The following TYK2 variants were observed in gnomAD, a reference collection of about 807,000 sequenced individuals.
The protein encoded by TYK2 is tyrosine kinase 2.
A neutral mutation model predicts 130.9 loss-of-function variants in TYK2; 65 were observed. That is an observed-to-expected ratio of 0.50 (90% CI 0.41 to 0.61). TYK2 has a LOEUF of 0.61. TYK2 is among the 20% of genes least tolerant of loss of function. The pLI is 0.00. For missense variants in TYK2, 1,378 were observed against 1,610.7 expected (o/e 0.86, Z 2.47); for synonymous variants, 647 against 658.9 (o/e 0.98, Z 0.28).
intron 10 of TYK2, 39 bp from the exon 11 acceptor site, chr19:10,362,495 G>T (rs1486354487): frequency 5.1e-6 from 8 of 1,566,716 alleles, no homozygotes; most frequent in South Asian, 1.2e-5. Context: ...GTAAGCAGGG[G>T]ACCAGGCAGG....
intron 18 of TYK2, 46 bp from the exon 19 acceptor site, chr19:10,354,655 C>T: frequency 6.6e-7 from 1 of 1,512,640 alleles, no homozygotes; most frequent in African/African-American, 1.4e-5. Context: ...ATCCTTTCCC[C>T]AGCAGGCCCA....
intron 3 of TYK2, among the ~76,000 whole-genome samples, chr19:10,376,349 C>T (rs1306567773): frequency 8.2e-6 from 1 of 122,194 alleles, no homozygotes; most frequent in Non-Finnish European, 1.6e-5. Flanking sequence ...GCTCTGTCAC[C>T]CAGCCTGGAG....
intron 5 of TYK2, among the ~76,000 whole-genome samples, chr19:10,367,035 A>T (rs552135570): frequency 4.0e-5 from 6 of 148,184 alleles, no homozygotes; most frequent in Non-Finnish European, 9.0e-5. Context: ...CAAGAATGAA[A>T]CTCTGTCTCA....
chr19:10,376,898 G>A (rs763928681), intron 3 of TYK2, among the ~76,000 whole-genome samples: 23 of 151,608 alleles, frequency 1.5e-4, no homozygotes, highest in Non-Finnish European at 3.4e-4. Context: ...CACCGCGCCC[G>A]GCCTGACTTT....
chr19:10,353,666 C>T lies in TYK2; in HGVS notation c.2909-20G>A. ...TCTCGCCTGCCGCGGAGAGGGGCGGCCCCGGTGGGGGACGATAGAGGGCGG... is the reference window on the plus strand; with the variant it reads ...TCTCGCCTGCCGCGGAGAGGGGCGGTCCCGGTGGGGGACGATAGAGGGCGG... On this transcript the variant is annotated intron_variant, in intron 20 of 24. Transcript: ENST00000525621. The surrounding 1 kb of genome is among the most constrained non-coding windows in gnomAD (Gnocchi z 6.9). The T allele has an allele frequency of 6.8e-7, 1 of 1,465,782 alleles. No individual in the cohort carries two copies. Among genetic ancestry groups the T allele is most frequent in the South Asian group, 1.5e-5 (1 of 66,656 alleles). The allele number at this position is 1,465,782 out of a possible 1,614,324, so 90.8% of individuals were successfully genotyped here.
At chr19:10,360,653 G>T (rs1479917479) in intron 14 of TYK2, among the ~76,000 whole-genome samples, 1 of 151,464 alleles carries the variant, frequency 6.6e-6, no homozygotes, top group African/African-American at 2.4e-5. Context: ...GTCGGCCAGG[G>T]TCCAGGGGAA....
intron 3 of TYK2, among the ~76,000 whole-genome samples, chr19:10,376,961 A>G (rs180869983): frequency 6.6e-6 from 1 of 152,078 alleles, no homozygotes; most frequent in East Asian, 1.9e-4. Context: ...GAGTGCAGTG[A>G]CGAAACCATA....
chr19:10,368,264 G>A, intron 4 of TYK2, 31 bp downstream of exon 4: 1 of 1,614,184 alleles, frequency 6.2e-7, no homozygotes, highest in East Asian at 2.2e-5. Flanking sequence ...CAGCACAGGA[G>A]GGGACGAGCT....
At chr19:10,369,845 C>T (rs533370791) in intron 3 of TYK2, 1 of 406,700 alleles carries the variant, frequency 2.5e-6, no homozygotes, top group Admixed American at 2.9e-5. Context: ...AGATCAAGAC[C>T]ATCTTGGCTA....
intron 3 of TYK2, among the ~76,000 whole-genome samples, chr19:10,373,388 G>A (rs1391846984): frequency 6.6e-6 from 1 of 151,896 alleles, no homozygotes. Flanking sequence ...ACCCAGGCTG[G>A]AGTGCAGTGG....
chr19:10,363,640 G>A (rs922507271), intron 9 of TYK2, among the ~76,000 whole-genome samples: 5 of 152,152 alleles, frequency 3.3e-5, no homozygotes, highest in Admixed American at 3.3e-4. Flanking sequence ...ACAAGCAAAG[G>A]ACAACGATCC....
chr19:10,361,735 C>T lies in TYK2; in HGVS notation c.1959+35G>A, dbSNP rs761874601. 7 of 1,609,282 alleles carry T rather than the reference C, an allele frequency of 4.3e-6. No homozygotes were observed. Among genetic ancestry groups the T allele is most frequent in the Non-Finnish European group, 5.9e-6 (7 of 1,179,034 alleles). On this transcript the variant is annotated intron_variant, in intron 13 of 24. Coordinates refer to ENST00000525621, the MANE Select transcript of TYK2 (RefSeq NM_003331.5). The surrounding 1 kb of genome is among the most constrained non-coding windows in gnomAD (Gnocchi z 4.0). ...CCACCTCCTCCGGCCACCTCCTCCA[C>T]AGACACACCCCCAGGCCTGGCCCTG... is the stretch of plus-strand genomic sequence containing the variant.
rs944749347 is a variant in TYK2, at chr19:10,379,636, C to T, written c.-42G>A. The T allele has an allele frequency of 1.2e-4, 18 of 152,136 alleles. No homozygotes were observed. The highest frequency in any genetic ancestry group is 9.2e-4 in the Admixed American group (14 of 15,258). The allele number at this position is 152,136 out of a possible 1,614,324, so 9.4% of individuals were successfully genotyped here. A position where few individuals can be genotyped will look rare whatever the true frequency, so the allele number is the denominator to read the frequency against. Reference sequence around the variant, plus strand: ...ATACCTGAGGGTGAGTCCTGGAGCTCCCTGTGTCAACTCAAGCAAGCCACT... The same window carrying T: ...ATACCTGAGGGTGAGTCCTGGAGCTTCCTGTGTCAACTCAAGCAAGCCACT... On this transcript the variant is annotated 5_prime_UTR_variant, in exon 2 of 25. Transcript: ENST00000525621.
At chr19:10,355,914 A>T (rs765836114) in intron 18 of TYK2, among the ~76,000 whole-genome samples, 1 of 152,044 alleles carries the variant, frequency 6.6e-6, no homozygotes, top group East Asian at 1.9e-4. Context: ...GTGAGCCAAG[A>T]TTGCACCACT....
chr19:10,368,525 C>T (rs780066783), intron 3 of TYK2, 107 bp from the exon 4 acceptor site: 9 of 1,526,062 alleles, frequency 5.9e-6, no homozygotes, highest in Non-Finnish European at 6.3e-6. Flanking sequence ...GAGGCCCCCT[C>T]CCCCACCTGC....
Position 10,352,934 on chromosome 19 carries a change from G to A in TYK2, c.3192C>T (p.Pro1064=). Residue 1064 remains proline (P), a synonymous_variant, in exon 22 of 25, where the codon CCC becomes CCT. Coordinates refer to ENST00000525621, the MANE Select transcript of TYK2 (RefSeq NM_003331.5). Reference sequence around the variant, plus strand: ...GCACCCCGCCTGGTCACCAGAACACGGGGCTGTCCCCATCCTCGCGCACGC... The same window carrying A: ...GCACCCCGCCTGGTCACCAGAACACAGGGCTGTCCCCATCCTCGCGCACGC... ...YYRVREDGDS[P]VFWYAPECLK... 2 of 1,606,808 alleles carry A rather than the reference G, an allele frequency of 1.2e-6. No homozygotes were observed. The highest frequency in any genetic ancestry group is 1.7e-6 in the Non-Finnish European group (2 of 1,177,068).
At chr19:10,359,680 T>C (rs2041295334) in intron 14 of TYK2, among the ~76,000 whole-genome samples, 1 of 145,206 alleles carries the variant, frequency 6.9e-6, no homozygotes, top group Admixed American at 6.9e-5. Context: ...ACTCCATCAC[T>C]ACTAAAAAAA....
intron 3 of TYK2, among the ~76,000 whole-genome samples, chr19:10,370,364 AT>A (rs2041861413): frequency 6.6e-6 from 1 of 151,396 alleles, no homozygotes; most frequent in Non-Finnish European, 1.5e-5. Context: ...AAAAAAAAAA[AT>A]TGGCTGGCCA....
chr19:10,377,132 T>C (rs1392470832), intron 3 of TYK2, among the ~76,000 whole-genome samples: 1 of 152,164 alleles, frequency 6.6e-6, no homozygotes, highest in African/African-American at 2.4e-5. Context: ...CTCCAACTAC[T>C]GGCCTCAAGC....
Sources: allele counts gnomAD v4.1 joint callset (sites outside exome capture counted in the v4.1 genomes callset), GRCh38; gene constraint gnomAD v4.1.1; non-coding constraint Gnocchi (gnomAD v3.1); transcripts MANE v1.5; gene names NCBI Gene and HGNC (gene_info 2026-07-23, HGNC 2026-07-21).